CABCOCO1: variants seen among roughly 807,000 people sequenced by gnomAD.
The protein encoded by CABCOCO1 is ciliary-associated calcium-binding coiled-coil protein 1.
Under a neutral mutation model 35.7 loss-of-function variants are expected in CABCOCO1, and 28 were observed. That is an observed-to-expected ratio of 0.78 (90% confidence interval 0.58 to 1.07). The LOEUF (loss-of-function observed/expected upper bound fraction) is 1.07, where lower values mean the gene tolerates loss of function less well. Among genes scored for constraint, CABCOCO1 ranks in the 50% least tolerant of loss-of-function variants. CABCOCO1 has a pLI of 0.00. For synonymous variants in CABCOCO1, 95 were observed against 100.1 expected (o/e 0.95, Z 0.30); for missense variants, 326 against 309.2 (o/e 1.05, Z -0.41).
chr10:61,735,944 G>T (rs780542590), intron 5 of CABCOCO1, among the ~76,000 whole-genome samples: 6 of 152,060 alleles, frequency 3.9e-5, no homozygotes, highest in Non-Finnish European at 7.4e-5. Context: ...CTTGTTGGCC[G>T]AAAGTATGCC....
intron 5 of CABCOCO1, among the ~76,000 whole-genome samples, chr10:61,713,547 G>A (rs1049469395): frequency 2.0e-5 from 3 of 152,118 alleles, no homozygotes; most frequent in Admixed American, 6.6e-5. Flanking sequence ...CCAACACTAC[G>A]TTGAATAGGA....
intron 5 of CABCOCO1, among the ~76,000 whole-genome samples, chr10:61,718,267 T>C (rs1201947013): frequency 6.6e-6 from 1 of 152,084 alleles, no homozygotes; most frequent in Admixed American, 6.6e-5. Flanking sequence ...TGTATTTGTG[T>C]CCATGAACAT....
Position 61,682,143 on chromosome 10 carries a change from CT to C in CABCOCO1, c.334+837del, listed in dbSNP as rs1285096763. Among the ~76,000 whole-genome samples, 3 of 152,196 alleles carry C rather than the reference CT, an allele frequency of 2.0e-5. No individual in the cohort carries two copies. In the East Asian group the frequency reaches 5.8e-4, roughly 29 times the overall value. On this transcript the variant is annotated intron_variant, in intron 3 of 7. Coordinates refer to ENST00000648843, the MANE Select transcript of CABCOCO1 (RefSeq NM_001366906.2). ...ACATCCCAAATTTGAGAAGATATTT[CT>C]TTTTTAAACTTTTCCTGTAACTTAT...
At chr10:61,698,575 A>G (rs1193237398) in intron 5 of CABCOCO1, among the ~76,000 whole-genome samples, 1 of 152,186 alleles carries the variant, frequency 6.6e-6, no homozygotes, top group Non-Finnish European at 1.5e-5. Context: ...AGGTCAATAA[A>G]TGCAGGACCT....
intron 1 of CABCOCO1, among the ~76,000 whole-genome samples, chr10:61,668,376 T>C (rs1839254636): frequency 6.6e-6 from 1 of 152,034 alleles, no homozygotes; most frequent in African/African-American, 2.4e-5. Flanking sequence ...GAACTCTCTA[T>C]AGTCTGTAAA....
chr10:61,713,201 C>A (rs1840774999), intron 5 of CABCOCO1, among the ~76,000 whole-genome samples: 1 of 152,098 alleles, frequency 6.6e-6, no homozygotes, highest in Non-Finnish European at 1.5e-5. Flanking sequence ...GTTTGTAGTT[C>A]TCCTTGAAGA....
chr10:61,764,991 T>A (rs1842078126), intron 7 of CABCOCO1, among the ~76,000 whole-genome samples: 1 of 152,206 alleles, frequency 6.6e-6, no homozygotes, highest in Admixed American at 6.5e-5. Context: ...TTTTTTTAAA[T>A]GTCTTCTATC....
At chr10:61,757,279 T>G (rs1841916994) in intron 5 of CABCOCO1, among the ~76,000 whole-genome samples, 1 of 152,124 alleles carries the variant, frequency 6.6e-6, no homozygotes, top group African/African-American at 2.4e-5. Context: ...ATCACTGTGA[T>G]GCTTCTGGGC....
At chr10:61,675,286 A>G (rs946916413) in intron 2 of CABCOCO1, among the ~76,000 whole-genome samples, 2 of 152,152 alleles carry the variant, frequency 1.3e-5, no homozygotes, top group Non-Finnish European at 1.5e-5. Flanking sequence ...AATACTGGAA[A>G]CTTTGCATTC....
intron 5 of CABCOCO1, among the ~76,000 whole-genome samples, chr10:61,724,391 C>A (rs1410842596): frequency 1.3e-5 from 2 of 152,054 alleles, no homozygotes; most frequent in African/African-American, 2.4e-5. Flanking sequence ...ACTGACTATA[C>A]CATATACAAT....
intron 5 of CABCOCO1, 40 bp downstream of exon 5, chr10:61,690,661 A>G (rs1026118732): frequency 5.4e-6 from 7 of 1,299,452 alleles, no homozygotes; most frequent in Non-Finnish European, 7.8e-6. Context: ...AAGCAGAATC[A>G]CTTAATGCAT....
chr10:61,753,967 T>A (rs1246952619), intron 5 of CABCOCO1, among the ~76,000 whole-genome samples: 1 of 152,188 alleles, frequency 6.6e-6, no homozygotes, highest in Admixed American at 6.6e-5. Context: ...AAAAATAGCA[T>A]GGACCAGCAT....
At chr10:61,743,155 A>C (rs1037091953) in intron 5 of CABCOCO1, among the ~76,000 whole-genome samples, 1 of 152,236 alleles carries the variant, frequency 6.6e-6, no homozygotes, top group African/African-American at 2.4e-5. Context: ...TAATTACATT[A>C]ATCAAGCAGG....
rs1281353331 is a variant in CABCOCO1, at chr10:61,697,515, T to C, written c.552+6894T>C. On this transcript the variant is annotated intron_variant, in intron 5 of 7. Transcript: ENST00000648843. Reference sequence around the variant, plus strand: ...AAATATGTAGACATGTATATGCATGTAAGTGATTGTATAAAAACCAAAAGA... The same window carrying C: ...AAATATGTAGACATGTATATGCATGCAAGTGATTGTATAAAAACCAAAAGA... Among the ~76,000 whole-genome samples, 3 of 152,090 alleles carry C rather than the reference T, an allele frequency of 2.0e-5. No homozygotes were observed. In the East Asian group the frequency reaches 5.8e-4, roughly 29 times the overall value.
chr10:61,670,214 C>G (rs987240298), intron 1 of CABCOCO1, among the ~76,000 whole-genome samples: 1 of 151,942 alleles, frequency 6.6e-6, no homozygotes, highest in African/African-American at 2.4e-5. Context: ...CTTTACCACT[C>G]ATAAAAATAT....
chr10:61,754,992 T>G (rs2132085483), intron 5 of CABCOCO1, among the ~76,000 whole-genome samples: 1 of 152,318 alleles, frequency 6.6e-6, no homozygotes. Context: ...ATTAATGTGC[T>G]GCATTTGCAA....
intron 1 of CABCOCO1, among the ~76,000 whole-genome samples, chr10:61,669,020 G>GAAAAAAAAAAAAAAAAAAAAAAAA (rs200867627): frequency 9.8e-6 from 1 of 102,500 alleles, no homozygotes; most frequent in African/African-American, 3.0e-5. Context: ...AAGGGTTGGG[G>GAAAAAAAAAAAAAAAAAAAAAAAA]AAAAAAAAAA....
At chr10:61,699,232 GA>G (rs1401359899) in intron 5 of CABCOCO1, among the ~76,000 whole-genome samples, 1 of 152,086 alleles carries the variant, frequency 6.6e-6, no homozygotes, top group Non-Finnish European at 1.5e-5. Flanking sequence ...TTGATGCTTG[GA>G]TATACAATTT....
In CABCOCO1 at chr10:61,718,154, G is replaced by A. The variant is rs369183396; in HGVS notation, c.552+27533G>A. ...AACATAGGAAAGTTCCTCCCAAAGC[G>A]TAGTTGGAATGAAATCTTCCTACTT... On this transcript the variant is annotated intron_variant, in intron 5 of 7. Coordinates refer to ENST00000648843, the MANE Select transcript of CABCOCO1 (RefSeq NM_001366906.2). Among the ~76,000 whole-genome samples the A allele has an allele frequency of 5.3e-5, 8 of 152,228 alleles. No individual in the cohort carries two copies. The East Asian group carries it at 5.8e-4, about 11-fold the overall frequency.
Sources: allele counts gnomAD v4.1 joint callset (sites outside exome capture counted in the v4.1 genomes callset), GRCh38; gene constraint gnomAD v4.1.1; transcripts MANE v1.5; gene names NCBI Gene and HGNC (gene_info 2026-07-23, HGNC 2026-07-21).